Variants in EEFSEC observed in about 807,000 individuals in gnomAD.
EEFSEC encodes the protein selenocysteine-specific elongation factor.
EEFSEC carries 43 observed loss-of-function variants against 42.1 expected under a neutral mutation model. That is an observed-to-expected ratio of 1.02 (90% CI 0.80 to 1.32). The LOEUF (loss-of-function observed/expected upper bound fraction) is 1.32, where lower values mean the gene tolerates loss of function less well. Among genes scored for constraint, EEFSEC ranks in the 40% most tolerant of loss-of-function variants. The pLI, the probability that EEFSEC is intolerant of heterozygous loss-of-function variation, is 0.00. For missense variants in EEFSEC, 745 were observed against 803.6 expected, an observed-to-expected ratio of 0.93 and a Z score of 0.88; for synonymous variants, 354 against 339.1, an observed-to-expected ratio of 1.04 and a Z score of -0.48.
intron 1 of EEFSEC, among the ~76,000 whole-genome samples, chr3:128,192,957 G>C (rs1432780448): frequency 6.6e-6 from 1 of 152,184 alleles, no homozygotes; most frequent in Non-Finnish European, 1.5e-5. Context: ...TGGTAGAAAA[G>C]AGCCTGGGTT....
chr3:128,201,626 A>G (rs2065645061), intron 1 of EEFSEC, among the ~76,000 whole-genome samples: 1 of 152,230 alleles, frequency 6.6e-6, no homozygotes, highest in African/African-American at 2.4e-5. Context: ...TTTGTCAGAT[A>G]TATGTGTCGT....
intron 4 of EEFSEC, among the ~76,000 whole-genome samples, chr3:128,275,951 A>C (rs1191204003): frequency 6.6e-6 from 1 of 152,206 alleles, no homozygotes; most frequent in Non-Finnish European, 1.5e-5. Context: ...CCCTGGAATC[A>C]GGCAAGAGAG....
chr3:128,158,596 A>G (rs907815338), intron 1 of EEFSEC, among the ~76,000 whole-genome samples: 1 of 152,248 alleles, frequency 6.6e-6, no homozygotes, highest in African/African-American at 2.4e-5. Flanking sequence ...AGGTTCAGTA[A>G]TCATTAGCAT....
chr3:128,296,187 C>T (rs945143092), intron 4 of EEFSEC, among the ~76,000 whole-genome samples: 6 of 152,218 alleles, frequency 3.9e-5, no homozygotes, highest in South Asian at 2.1e-4. Context: ...TAGGATGTCC[C>T]GATGTTGGAA....
At chr3:128,349,262 G>A (rs1168612007) in intron 5 of EEFSEC, among the ~76,000 whole-genome samples, 2 of 152,152 alleles carry the variant, frequency 1.3e-5, no homozygotes, top group Non-Finnish European at 2.9e-5. Context: ...GGGGCTATGG[G>A]GGGTGTTCTA....
At chr3:128,343,285 G>A (rs1286994530) in intron 5 of EEFSEC, among the ~76,000 whole-genome samples, 1 of 152,136 alleles carries the variant, frequency 6.6e-6, no homozygotes, top group Non-Finnish European at 1.5e-5. Context: ...GGAATTCTCT[G>A]TCACTGCAGC....
chr3:128,265,826 T>C (rs2066348193), intron 4 of EEFSEC, among the ~76,000 whole-genome samples: 1 of 152,226 alleles, frequency 6.6e-6, no homozygotes, highest in African/African-American at 2.4e-5. Flanking sequence ...TCTAGGTATC[T>C]ATAGATACAT....
downstream of EEFSEC, among the ~76,000 whole-genome samples, chr3:128,411,294 C>T (rs569050213): frequency 1.3e-5 from 2 of 152,302 alleles, no homozygotes; most frequent in East Asian, 1.9e-4. Context: ...TTCCAGTGGG[C>T]CAAGCTCACT....
downstream of EEFSEC, among the ~76,000 whole-genome samples, chr3:128,409,966 C>A (rs2068162700): frequency 6.6e-6 from 1 of 152,222 alleles, no homozygotes; most frequent in South Asian, 2.1e-4. Context: ...AGGCTCCCTG[C>A]TAGCCTGCTG....
intron 2 of EEFSEC, among the ~76,000 whole-genome samples, chr3:128,257,037 G>T (rs2066248399): frequency 6.6e-6 from 1 of 152,162 alleles, no homozygotes; most frequent in Non-Finnish European, 1.5e-5. Context: ...GAGCCACCAT[G>T]CCTGGCCCAG....
At chr3:128,369,402 C>T (rs1420112979) in intron 6 of EEFSEC, among the ~76,000 whole-genome samples, 1 of 152,220 alleles carries the variant, frequency 6.6e-6, no homozygotes, top group East Asian at 1.9e-4. Flanking sequence ...TCTCTCCAAC[C>T]ATCCAGCTGC....
the EEFSEC span, among the ~76,000 whole-genome samples, chr3:128,425,456 T>G: frequency 3.3e-5 from 5 of 152,162 alleles, no homozygotes; most frequent in African/African-American, 9.7e-5. Context: ...CTAAAGCTGC[T>G]CCGAACACTC....
intron 5 of EEFSEC, among the ~76,000 whole-genome samples, chr3:128,353,990 T>C (rs943738433): frequency 1.3e-5 from 2 of 152,070 alleles, no homozygotes; most frequent in Non-Finnish European, 2.9e-5. Context: ...ACCTGCTGAC[T>C]TCTCTCTGCT....
intron 1 of EEFSEC, among the ~76,000 whole-genome samples, chr3:128,236,937 T>C (rs2066018454): frequency 6.6e-6 from 1 of 152,252 alleles, no homozygotes; most frequent in Non-Finnish European, 1.5e-5. Context: ...TGCTCTACCC[T>C]ACTGGACTGT....
At chr3:128,304,847 G>T (rs1164817167) in intron 4 of EEFSEC, among the ~76,000 whole-genome samples, 2 of 152,044 alleles carry the variant, frequency 1.3e-5, no homozygotes, top group Non-Finnish European at 2.9e-5. Context: ...GGGGCCACAG[G>T]CGTGTACCAC....
At chr3:128,275,565 G>A (rs558830024) in intron 4 of EEFSEC, among the ~76,000 whole-genome samples, 1 of 152,328 alleles carries the variant, frequency 6.6e-6, no homozygotes, top group South Asian at 2.1e-4. Context: ...CAGGCAGGCA[G>A]CTGTTTCTTC....
intron 6 of EEFSEC, among the ~76,000 whole-genome samples, chr3:128,398,204 G>A (rs569379068): frequency 1.3e-5 from 2 of 152,208 alleles, no homozygotes; most frequent in East Asian, 3.9e-4. Flanking sequence ...AGTGTGGGGG[G>A]CCTTGGCCCT....
At chr3:128,394,415 T>C (rs2067955066) in intron 6 of EEFSEC, among the ~76,000 whole-genome samples, 1 of 152,172 alleles carries the variant, frequency 6.6e-6, no homozygotes, top group African/African-American at 2.4e-5. Context: ...CCCGGGCCTT[T>C]GTTCGCCTTC....
chr3:128,269,071 G>GA (rs1385300551), intron 4 of EEFSEC, among the ~76,000 whole-genome samples: 1 of 152,198 alleles, frequency 6.6e-6, no homozygotes, highest in Non-Finnish European at 1.5e-5. Flanking sequence ...CAACATGTCA[G>GA]AACCATTGCA....
Sources: gnomAD v4.1 joint callset for allele counts (sites outside exome capture counted in the v4.1 genomes callset) on GRCh38, gnomAD v4.1.1 for gene constraint, MANE v1.5 for transcripts, NCBI Gene and HGNC (gene_info 2026-07-23, HGNC 2026-07-21) for gene names.